Variants in CRPPA observed in about 807,000 individuals in gnomAD.
CRPPA encodes CDP-L-ribitol pyrophosphorylase A.
Under a neutral mutation model 52.0 loss-of-function variants are expected in CRPPA, and 43 were observed. The observed-to-expected ratio is 0.83, with a 90% confidence interval of 0.65 to 1.07. CRPPA has a LOEUF of 1.07. Among genes scored for constraint, CRPPA ranks in the 50% least tolerant of loss-of-function variants. The pLI is 0.00. For synonymous variants in CRPPA, 250 were observed against 203.5 expected (o/e 1.23, Z -1.94); for missense variants, 629 against 551.7 (o/e 1.14, Z -1.40).
At chr7:16,152,427 G>A (rs937936379) in intron 9 of CRPPA, among the ~76,000 whole-genome samples, 3 of 151,928 alleles carry the variant, frequency 2.0e-5, no homozygotes, top group African/African-American at 7.2e-5. Flanking sequence ...CCCCCAGTGA[G>A]GGTATAAAAA....
intron 7 of CRPPA, 95 bp from the exon 8 acceptor site, chr7:16,258,577 T>A: frequency 3.0e-6 from 2 of 673,580 alleles, no homozygotes; most frequent in Middle Eastern, 3.3e-4. Context: ...TGCATAACAT[T>A]CAAAATATTT....
At chr7:16,196,230 A>C (rs1363180227) in intron 9 of CRPPA, among the ~76,000 whole-genome samples, 2 of 152,154 alleles carry the variant, frequency 1.3e-5, no homozygotes, top group East Asian at 1.9e-4. Flanking sequence ...TCAGTCACTT[A>C]TTAGCTTATG....
intron 9 of CRPPA, among the ~76,000 whole-genome samples, chr7:16,189,648 T>C (rs1220709531): frequency 1.3e-5 from 2 of 152,156 alleles, no homozygotes; most frequent in Non-Finnish European, 2.9e-5. Context: ...ACTGTTATTC[T>C]GCCTGACAGC....
chr7:16,187,725 T>C (rs1287696453), intron 9 of CRPPA, among the ~76,000 whole-genome samples: 1 of 152,068 alleles, frequency 6.6e-6, no homozygotes, highest in Non-Finnish European at 1.5e-5. Context: ...TTTGGTAATT[T>C]TGAGGGAATA....
intron 9 of CRPPA, among the ~76,000 whole-genome samples, chr7:16,104,945 A>G (rs1049538499): frequency 5.9e-5 from 9 of 152,114 alleles, no homozygotes; most frequent in African/African-American, 2.2e-4. Context: ...GAGGTAGTGT[A>G]CAACTTATTT....
intron 9 of CRPPA, among the ~76,000 whole-genome samples, chr7:16,212,303 T>C (rs1376548065): frequency 6.6e-6 from 1 of 152,202 alleles, no homozygotes; most frequent in Non-Finnish European, 1.5e-5. Flanking sequence ...CTTTCAAAAG[T>C]TCTATTTCCC....
Position 16,371,060 on chromosome 7 carries a change from G to C in CRPPA, c.684+5032C>G, listed in dbSNP as rs191614008. 3.3e-5 allele frequency among the ~76,000 whole-genome samples: 5 copies of C among 152,284 alleles called. No homozygotes were observed. In the East Asian group the frequency reaches 9.7e-4, roughly 29 times the overall value. ...AGGCTATGAGGTAGATCGCTTTCCT[G>C]CTGGCCTGGCAGGGGAGCTGAGGTA... On this transcript the variant is annotated intron_variant, in intron 3 of 9. Transcript: ENST00000407010.
rs116090369 is a variant in CRPPA at position 16,188,519 on chromosome 7, G to A, written c.1251+27547C>T. Among the ~76,000 whole-genome samples, 1,279 of 152,218 alleles carry A rather than the reference G, an allele frequency of 8.4e-3. 22 individuals are homozygous for A. Among genetic ancestry groups the A allele is most frequent in the African/African-American group, 0.029 (1,222 of 41,530 alleles). ...TATCAAAGACTTAGAAATCAGACTG[G>A]CTTGGGATTCTATTCAATGTCTGCC... On this transcript the variant is annotated intron_variant, in intron 9 of 9. Transcript: ENST00000407010.
intron 9 of CRPPA, among the ~76,000 whole-genome samples, chr7:16,203,330 T>C (rs1266592100): frequency 6.6e-6 from 1 of 152,160 alleles, no homozygotes; most frequent in Non-Finnish European, 1.5e-5. Context: ...TGGGTGGAGC[T>C]GACCTGGATC....
At chr7:16,115,538 C>T (rs143610875) in intron 9 of CRPPA, among the ~76,000 whole-genome samples, 19 of 152,144 alleles carry the variant, frequency 1.2e-4, no homozygotes, top group African/African-American at 4.3e-4. Context: ...AAAGGGCTTA[C>T]AAATTGTGAC....
At chr7:16,119,665 A>T (rs1782444855) in intron 9 of CRPPA, among the ~76,000 whole-genome samples, 1 of 152,216 alleles carries the variant, frequency 6.6e-6, no homozygotes, top group South Asian at 2.1e-4. Context: ...GGTTTGCACC[A>T]AAAGAAACTT....
intron 1 of CRPPA, among the ~76,000 whole-genome samples, chr7:16,410,346 C>G (rs1205838785): frequency 2.0e-5 from 3 of 152,172 alleles, no homozygotes; most frequent in Non-Finnish European, 4.4e-5. Context: ...ATTTCCTAGG[C>G]CTTTCATTGC....
chr7:16,404,796 C>G (rs549883534), intron 2 of CRPPA, among the ~76,000 whole-genome samples: 1 of 152,206 alleles, frequency 6.6e-6, no homozygotes, highest in South Asian at 2.1e-4. Context: ...CTTGCCTCTA[C>G]CACAATTGAG....
intron 5 of CRPPA, among the ~76,000 whole-genome samples, chr7:16,295,525 T>C (rs1784653379): frequency 6.6e-6 from 1 of 152,002 alleles, no homozygotes; most frequent in Non-Finnish European, 1.5e-5. Flanking sequence ...AAGAATAAAA[T>C]AAAATGTTAA....
rs1210562499 is a variant in CRPPA, at chr7:16,090,624, G to A, written c.*1071C>T. 3 of 151,950 alleles carry A rather than the reference G, an allele frequency of 2.0e-5. No homozygotes were observed. The highest frequency in any genetic ancestry group is 7.2e-5 in the African/African-American group (3 of 41,446). 9.4% of individuals were successfully genotyped at this position (151,950 alleles called of 1,614,324 possible). A position where few individuals can be genotyped will look rare whatever the true frequency, so the allele number is the denominator to read the frequency against. ...TGTAATCCCAGCTACTCGGGAGGCT[G>A]AGGGAGGATAATTGCTTAAACCCAG... On this transcript the variant is annotated 3_prime_UTR_variant, in exon 10 of 10. Transcript: ENST00000407010.
At chr7:16,227,606 T>C (rs552624205) in intron 8 of CRPPA, among the ~76,000 whole-genome samples, 1 of 152,008 alleles carries the variant, frequency 6.6e-6, no homozygotes, top group East Asian at 1.9e-4. Context: ...TTTTTTTACA[T>C]AATTCTGATA....
At chr7:16,288,264 A>G (rs907016694) in intron 5 of CRPPA, among the ~76,000 whole-genome samples, 1 of 152,172 alleles carries the variant, frequency 6.6e-6, no homozygotes, top group Non-Finnish European at 1.5e-5. Flanking sequence ...TAGAAAGATC[A>G]AGAAATTATC....
intron 8 of CRPPA, among the ~76,000 whole-genome samples, chr7:16,243,524 G>A (rs1402101934): frequency 2.0e-5 from 3 of 151,922 alleles, no homozygotes. Context: ...ATAGAAATGA[G>A]AACTTCTCAA....
intron 9 of CRPPA, among the ~76,000 whole-genome samples, chr7:16,166,115 G>A (rs1781059056): frequency 6.6e-6 from 1 of 152,072 alleles, no homozygotes; most frequent in Non-Finnish European, 1.5e-5. Flanking sequence ...ACCTGTGAGG[G>A]TTTTTTTCCA....
Sources: gnomAD v4.1 joint callset for allele counts (sites outside exome capture counted in the v4.1 genomes callset) on GRCh38, gnomAD v4.1.1 for gene constraint, MANE v1.5 for transcripts, NCBI Gene and HGNC (gene_info 2026-07-23, HGNC 2026-07-21) for gene names.